PKN2: variants seen among roughly 807,000 people sequenced by gnomAD.
PKN2 encodes the protein serine/threonine-protein kinase N2.
Under a neutral mutation model 119.1 loss-of-function variants are expected in PKN2, and 38 were observed. The observed-to-expected ratio is 0.32, with a 90% CI of 0.25 to 0.42. PKN2 has a LOEUF of 0.42. PKN2 is among the 10% of genes least tolerant of loss of function. The pLI, the probability that PKN2 is intolerant of heterozygous loss-of-function variation, is 1.00. For synonymous variants in PKN2, 390 were observed against 384.9 expected, an observed-to-expected ratio of 1.01 and a Z score of -0.15; for missense variants, 850 against 1,165.1, an observed-to-expected ratio of 0.73 and a Z score of 3.94.
chr1:88,832,320 G>A (rs1672760652), intron 19 of PKN2, among the ~76,000 whole-genome samples: 1 of 151,762 alleles, frequency 6.6e-6, no homozygotes, highest in East Asian at 1.9e-4. Context: ...ACAAGATTGA[G>A]GTTCTTCAGG....
intron 1 of PKN2, among the ~76,000 whole-genome samples, chr1:88,728,844 C>A (rs1326078140): frequency 1.3e-5 from 2 of 151,496 alleles, no homozygotes; most frequent in African/African-American, 2.4e-5. Flanking sequence ...ATGTCTTTTT[C>A]CCCCCACAAG....
intron 1 of PKN2, among the ~76,000 whole-genome samples, chr1:88,721,116 T>C (rs1667661156): frequency 1.3e-5 from 2 of 152,304 alleles, no homozygotes; most frequent in South Asian, 4.1e-4. Flanking sequence ...ATAATGACTT[T>C]TTTTTTCGTC....
chr1:88,752,336 AC>A (rs1669035742), intron 2 of PKN2, among the ~76,000 whole-genome samples: 1 of 152,040 alleles, frequency 6.6e-6, no homozygotes, highest in Non-Finnish European at 1.5e-5. Context: ...CCCAGTTGAT[AC>A]CCCTTGCATT....
In PKN2 at chr1:88,836,005, A is replaced by G. The variant is rs932762235; in HGVS notation, c.*2557A>G. 4.6e-5 allele frequency: 7 copies of G among 152,116 alleles called. No individual in the cohort carries two copies. Among genetic ancestry groups the G allele is most frequent in the Non-Finnish European group, 8.8e-5 (6 of 67,976 alleles). 9.4% of individuals were successfully genotyped at this position (152,116 alleles called of 1,614,324 possible). A position where few individuals can be genotyped will look rare whatever the true frequency, so the allele number is the denominator to read the frequency against. On this transcript the variant is annotated 3_prime_UTR_variant, in exon 22 of 22. Coordinates refer to ENST00000370521, the MANE Select transcript of PKN2 (RefSeq NM_006256.4). The stretch of plus-strand genomic sequence containing the variant: ...ATTGGGAATAATGGGAAAAGTTTGT[A>G]TTCTGCTCCTGTAAGGTCAGTAGCA...
chr1:88,715,209 A>G (rs1189502914), intron 1 of PKN2, among the ~76,000 whole-genome samples: 1 of 152,148 alleles, frequency 6.6e-6, no homozygotes, highest in African/African-American at 2.4e-5. Flanking sequence ...ATTGATGTTC[A>G]TCAGGGATAT....
intron 15 of PKN2, 68 bp from the exon 16 acceptor site, chr1:88,813,489 T>C: frequency 8.8e-7 from 1 of 1,134,202 alleles, no homozygotes. Context: ...TTTAGTAATT[T>C]ATAAAGAATG....
rs147632565 is a variant in PKN2 at position 88,701,434 on chromosome 1, C to T, written c.48+16806C>T. 4.4e-3 allele frequency among the ~76,000 whole-genome samples: 669 copies of T among 152,314 alleles called. 12 individuals carry two copies. The East Asian group carries it at 0.048, about 11-fold the overall frequency. On this transcript the variant is annotated intron_variant, in intron 1 of 21. Transcript: ENST00000370521. Reference sequence around the variant, plus strand: ...TTAAGGAAGTTAAAATAATTGTATACAGTTCCTTTTTTTGAGTTTTGTTTT... The same window carrying T: ...TTAAGGAAGTTAAAATAATTGTATATAGTTCCTTTTTTTGAGTTTTGTTTT...
intron 2 of PKN2, among the ~76,000 whole-genome samples, chr1:88,756,296 A>G (rs1669199692): frequency 6.6e-6 from 1 of 152,128 alleles, no homozygotes; most frequent in Non-Finnish European, 1.5e-5. Context: ...GCTTCCAGAG[A>G]TGAGACTTTA....
intron 8 of PKN2, among the ~76,000 whole-genome samples, chr1:88,791,346 C>T (rs959741259): frequency 6.6e-6 from 1 of 150,530 alleles, no homozygotes; most frequent in African/African-American, 2.5e-5. Context: ...CTGAGGCATG[C>T]GAATTGCTTA....
chr1:88,756,551 C>T (rs1669211403), intron 2 of PKN2, among the ~76,000 whole-genome samples: 1 of 152,288 alleles, frequency 6.6e-6, no homozygotes, highest in African/African-American at 2.4e-5. Flanking sequence ...TTTTCATACT[C>T]TTCTCAACTA....
chr1:88,808,878 C>A (rs1671669050), intron 15 of PKN2, among the ~76,000 whole-genome samples: 1 of 152,112 alleles, frequency 6.6e-6, no homozygotes, highest in Non-Finnish European at 1.5e-5. Flanking sequence ...CCTCATTGCT[C>A]CTCCTTAGTA....
chr1:88,710,252 A>C (rs913789483), intron 1 of PKN2, among the ~76,000 whole-genome samples: 17 of 152,316 alleles, frequency 1.1e-4, no homozygotes, highest in African/African-American at 4.1e-4. Context: ...AAGTTTAAAG[A>C]AGAGATTAAT....
At chr1:88,740,869 TTAAA>T (rs1471321097) in intron 1 of PKN2, 115 bp from the exon 2 acceptor site, 7 of 565,586 alleles carry the variant, frequency 1.2e-5, no homozygotes, top group Non-Finnish European at 1.8e-5. Flanking sequence ...AAGGAGATAA[TTAAA>T]TATAGTTAAA....
intron 16 of PKN2, among the ~76,000 whole-genome samples, chr1:88,820,388 C>T (rs1672227388): frequency 6.7e-6 from 1 of 150,364 alleles, no homozygotes; most frequent in Non-Finnish European, 1.5e-5. Context: ...ACAAAATTAG[C>T]TGGGCGTGGT....
chr1:88,756,486 T>A (rs1420852138), intron 2 of PKN2, among the ~76,000 whole-genome samples: 1 of 152,190 alleles, frequency 6.6e-6, no homozygotes, highest in African/African-American at 2.4e-5. Flanking sequence ...ACAGGAATCA[T>A]TTATCCTTCT....
At chr1:88,756,111 C>T (rs1669188504) in intron 2 of PKN2, among the ~76,000 whole-genome samples, 1 of 152,040 alleles carries the variant, frequency 6.6e-6, no homozygotes, top group African/African-American at 2.4e-5. Context: ...GGGGTTTCAC[C>T]ATGTTGGCCA....
chr1:88,737,450 C>T (rs1244433632), intron 1 of PKN2, among the ~76,000 whole-genome samples: 1 of 151,794 alleles, frequency 6.6e-6, no homozygotes, highest in Non-Finnish European at 1.5e-5. Flanking sequence ...CCTCTTTTTC[C>T]CCCAGTAGAT....
chr1:88,737,297 C>A (rs1668391291), intron 1 of PKN2, among the ~76,000 whole-genome samples: 1 of 152,170 alleles, frequency 6.6e-6, no homozygotes, highest in Non-Finnish European at 1.5e-5. Context: ...GGCCATGTCT[C>A]TCTGCCTGAC....
intron 2 of PKN2, among the ~76,000 whole-genome samples, chr1:88,753,857 G>A (rs1322356353): frequency 6.6e-6 from 1 of 152,044 alleles, no homozygotes; most frequent in Non-Finnish European, 1.5e-5. Flanking sequence ...ATTGGGGCAG[G>A]GACACAGATC....
Sources: allele counts gnomAD v4.1 joint callset (sites outside exome capture counted in the v4.1 genomes callset), GRCh38; gene constraint gnomAD v4.1.1; transcripts MANE v1.5; gene names NCBI Gene and HGNC (gene_info 2026-07-23, HGNC 2026-07-21).